RIPOR1: variants seen among roughly 807,000 people sequenced by gnomAD.
The protein encoded by RIPOR1 is RHO family interacting cell polarization regulator 1, also known as rho family-interacting cell polarization regulator 1.
A neutral mutation model predicts 116.5 loss-of-function variants in RIPOR1; 58 were observed. That is an observed-to-expected ratio of 0.50 (90% CI 0.40 to 0.62). RIPOR1 has a LOEUF of 0.62. Ranked by LOEUF, RIPOR1 falls within the 20% of genes least tolerant of loss-of-function variation. The pLI is 0.00. For missense variants in RIPOR1, 1,372 were observed against 1,586.2 expected (o/e 0.86, Z 2.29); for synonymous variants, 605 against 650.0 (o/e 0.93, Z 1.05).
In RIPOR1 at chr16:67,542,207, C is replaced by G. The variant is rs780045728; in HGVS notation, c.1421C>G (p.Ala474Gly). The G allele has an allele frequency of 1.2e-6, 2 of 1,613,710 alleles. No homozygotes were observed. The highest frequency in any genetic ancestry group is 1.1e-5 in the South Asian group (1 of 91,074). ...GAGGCCGTTGGCCCAGAAAGCCTAG[C>G]CTGGGGACCTAGCCCACCTACACAC... ...SVEAVGPESL[A>G]WGPSPPTHPA... The change falls in exon 13 of 22, where the codon GCC becomes GGC. Residue 474 changes from alanine (A) to glycine (G), a missense_variant. By Grantham distance (60) the Ala-to-Gly change is moderately conservative. Coordinates refer to ENST00000042381, the MANE Select transcript of RIPOR1 (RefSeq NM_024519.4). The surrounding 1 kb of genome is among the most constrained non-coding windows in gnomAD (Gnocchi z 4.6).
upstream of RIPOR1, among the ~76,000 whole-genome samples, chr16:67,524,289 T>C (rs1386558562): frequency 6.6e-6 from 1 of 152,118 alleles, no homozygotes; most frequent in African/African-American, 2.4e-5. Context: ...CAAAGGAAAG[T>C]AGAGTCCAGG....
In RIPOR1 at chr16:67,543,200, G is replaced by A. The variant is rs770787888; in HGVS notation, c.2414G>A (p.Arg805His). 1 of 1,560,168 alleles carries A rather than the reference G, an allele frequency of 6.4e-7. No individual in the cohort carries two copies. The highest frequency in any genetic ancestry group is 8.7e-7 in the Non-Finnish European group (1 of 1,151,544). The change falls in exon 13 of 22, where the codon CGT becomes CAT. Residue 805 changes from arginine (R) to histidine (H), a missense_variant. Coordinates refer to ENST00000042381, the MANE Select transcript of RIPOR1 (RefSeq NM_024519.4). The surrounding 1 kb of genome is among the most constrained non-coding windows in gnomAD (Gnocchi z 4.7). ...GALMAALDDY[R>H]GQFPELQGLE... ...CTAATGGCTGCCCTGGATGACTACC[G>A]TGGCCAGTTTCCTGAGCTGCAGGGC...
Position 67,542,635 on chromosome 16 carries a change from C to G in RIPOR1, c.1849C>G (p.His617Asp). 6.2e-7 allele frequency: 1 copy of G among 1,613,504 alleles called. No homozygotes were observed. The highest frequency in any genetic ancestry group is 8.5e-7 in the Non-Finnish European group (1 of 1,179,792). Residue 617 changes from histidine to aspartate, a missense_variant, in exon 13 of 22, where the codon CAT (histidine) becomes GAT (aspartate). His to Asp is a moderately conservative substitution (Grantham distance 81, BLOSUM62 -1). Around this residue, in one of 3 missense-constraint regions of RIPOR1, gnomAD observed 1,005 missense variants for 1,144.7 expected, o/e 0.88. Transcript: ENST00000042381. The surrounding 1 kb of genome is among the most constrained non-coding windows in gnomAD (Gnocchi z 4.6). ...TACCCATACCACAGCAAGCCCCACT[C>G]ATACTTCCACAAGCCCCACCCATAC... ...SPTHTTASPT[H>D]TSTSPTHTPT...
intron 1 of RIPOR1, among the ~76,000 whole-genome samples, chr16:67,519,970 A>T (rs970530682): frequency 6.7e-6 from 1 of 149,984 alleles, no homozygotes. Context: ...GCTGAGGCAG[A>T]AGAATTGCTT....
rs1054477124 is a variant in RIPOR1 at position 67,530,319 on chromosome 16, A to C, written c.-24+1405A>C. 1.3e-5 allele frequency among the ~76,000 whole-genome samples: 2 copies of C among 152,132 alleles called. No homozygotes were observed. Among genetic ancestry groups the C allele is most frequent in the African/African-American group, 4.8e-5 (2 of 41,446 alleles). Reference sequence around the variant, plus strand: ...CTGACCAGGGAGGGGGCCGGCAGGAAGTGAGGCCACCCGACAGCCTCCGCC... The same window carrying C: ...CTGACCAGGGAGGGGGCCGGCAGGACGTGAGGCCACCCGACAGCCTCCGCC... On this transcript the variant is annotated intron_variant, in intron 1 of 21. Transcript: ENST00000042381. This position sits in a 1 kb window ranked among gnomAD's most constrained non-coding sequence, Gnocchi z 4.5.
chr16:67,544,612 T>G lies in RIPOR1; in HGVS notation c.2734-83T>G. On this transcript the variant is annotated intron_variant, in intron 15 of 21. Coordinates refer to ENST00000042381, the MANE Select transcript of RIPOR1 (RefSeq NM_024519.4). The surrounding 1 kb of genome is among the most constrained non-coding windows in gnomAD (Gnocchi z 5.1). Reference sequence around the variant, plus strand: ...ACTCTGCAACCCCAACCTCCCCCAGTGCATGCTGGGACTTGTCCCTGAGCA... The same window carrying G: ...ACTCTGCAACCCCAACCTCCCCCAGGGCATGCTGGGACTTGTCCCTGAGCA... The G allele has an allele frequency of 6.3e-7, 1 of 1,584,490 alleles. No homozygotes were observed. Among genetic ancestry groups the G allele is most frequent in the Non-Finnish European group, 8.6e-7 (1 of 1,165,140 alleles).
Position 67,543,404 on chromosome 16 carries a change from T to C in RIPOR1, c.2535T>C (p.His845=), listed in dbSNP as rs779674627. 3.2e-6 allele frequency: 5 copies of C among 1,586,418 alleles called. No individual in the cohort carries two copies. In the Admixed American group the frequency reaches 9.0e-5, roughly 29 times the overall value. The change falls in exon 14 of 22, where the codon CAT becomes CAC. Residue 845 remains histidine (H), a synonymous_variant. Coordinates refer to ENST00000042381, the MANE Select transcript of RIPOR1 (RefSeq NM_024519.4). This position sits in a 1 kb window ranked among gnomAD's most constrained non-coding sequence, Gnocchi z 4.7. The part of the protein sequence containing the change: ...RASSLSITVE[H]ALESFSFLNE... ...CCAGTCTCAGCATCACTGTGGAGCA[T>C]GCCTTGGAGAGCTTCAGCTTCCTCA...
intron 1 of RIPOR1, among the ~76,000 whole-genome samples, chr16:67,523,115 C>A (rs758955137): frequency 2.0e-4 from 30 of 152,186 alleles, no homozygotes; most frequent in Non-Finnish European, 3.4e-4. Context: ...TCACTGTGTC[C>A]CCAGCATCCA....
In RIPOR1 at chr16:67,540,725, G is replaced by A. The variant is rs1400384989; in HGVS notation, c.801+21G>A. ...TTAAGGTGATGTCTCTGCCCAGGAC[G>A]GCAGGCCACCATGGCCCTGTGAACC... is the stretch of plus-strand genomic sequence containing the variant. On this transcript the variant is annotated intron_variant, in intron 10 of 21. Transcript: ENST00000042381. The surrounding 1 kb of genome is among the most constrained non-coding windows in gnomAD (Gnocchi z 4.7). 34 of 1,561,478 alleles carry A rather than the reference G, an allele frequency of 2.2e-5. No homozygotes were observed. The highest frequency in any genetic ancestry group is 2.6e-5 in the Non-Finnish European group (30 of 1,153,946).
chr16:67,519,790 G>A (rs930651200), intron 1 of RIPOR1, among the ~76,000 whole-genome samples: 7 of 152,046 alleles, frequency 4.6e-5, no homozygotes, highest in South Asian at 2.1e-4. Flanking sequence ...TGGCCAGTGC[G>A]GTGGCTCACG....
Position 67,544,748 on chromosome 16 carries a change from G to T in RIPOR1, c.2787G>T (p.Arg929=). ...GCCAGGAGGCATGGGCCCTGGAGCG[G>T]CTGCTGCGGGAAGCCCGAGTACTGG... ...LRCQEAWALE[R]LLREARVLEA... is the part of the protein sequence containing the mutation. The change falls in exon 16 of 22, where the codon CGG becomes CGT. Residue 929 remains arginine (R), a synonymous_variant. Coordinates refer to ENST00000042381, the MANE Select transcript of RIPOR1 (RefSeq NM_024519.4). This position sits in a 1 kb window ranked among gnomAD's most constrained non-coding sequence, Gnocchi z 5.1. The T allele has an allele frequency of 6.2e-7, 1 of 1,612,512 alleles. No individual in the cohort carries two copies. Among genetic ancestry groups the T allele is most frequent in the Non-Finnish European group, 8.5e-7 (1 of 1,179,262 alleles).
At chr16:67,535,654 A>T (rs1179936064) in intron 1 of RIPOR1, among the ~76,000 whole-genome samples, 1 of 152,184 alleles carries the variant, frequency 6.6e-6, no homozygotes, top group East Asian at 1.9e-4. Context: ...ATAGGTGAAT[A>T]AATGGGTGAG....
chr16:67,532,629 T>G (rs1048356688), intron 1 of RIPOR1, among the ~76,000 whole-genome samples: 1 of 152,202 alleles, frequency 6.6e-6, no homozygotes, highest in East Asian at 1.9e-4. Flanking sequence ...TTATTATTAT[T>G]GTCCTCTTTT....
Position 67,540,431 on chromosome 16 carries a change from G to A in RIPOR1, c.632-27G>A, listed in dbSNP as rs748673074. The A allele has an allele frequency of 1.1e-5, 17 of 1,614,060 alleles. No individual in the cohort carries two copies. The highest frequency in any genetic ancestry group is 2.7e-5 in the African/African-American group (2 of 74,912). The stretch of plus-strand genomic sequence containing the variant: ...CTGAAGAACCCCAATATGGCTCACC[G>A]ACTTCTCCCCTTCTCCTCCAACTCA... On this transcript the variant is annotated intron_variant, in intron 8 of 21. Transcript: ENST00000042381. This position sits in a 1 kb window ranked among gnomAD's most constrained non-coding sequence, Gnocchi z 4.7.
chr16:67,542,602 C>T lies in RIPOR1; in HGVS notation c.1816C>T (p.Pro606Ser), dbSNP rs1169852945. Residue 606 changes from proline (P) to serine (S), a missense_variant, in exon 13 of 22, where the codon CCA becomes TCA. Pro to Ser is a moderately conservative substitution (Grantham distance 74). This residue lies in a region of RIPOR1 where 1,005 missense variants were observed against 1,144.7 expected (regional missense o/e 0.88). Coordinates refer to ENST00000042381, the MANE Select transcript of RIPOR1 (RefSeq NM_024519.4). This position sits in a 1 kb window ranked among gnomAD's most constrained non-coding sequence, Gnocchi z 4.6. ...TACCACAAGCCCCACCCACACTATGCCAAGCCCTACCCATACCACAGCAAG... is the reference window on the plus strand; with the variant it reads ...TACCACAAGCCCCACCCACACTATGTCAAGCCCTACCCATACCACAGCAAG... ...QTTTSPTHTMPSPTHTTASPT... is the reference protein window; with the variant it reads ...QTTTSPTHTMSSPTHTTASPT... 1.9e-6 allele frequency: 3 copies of T among 1,612,770 alleles called. No homozygotes were observed. Among genetic ancestry groups the T allele is most frequent in the South Asian group, 1.1e-5 (1 of 91,004 alleles).
chr16:67,534,414 G>A (rs75707638), intron 1 of RIPOR1, among the ~76,000 whole-genome samples: 4,936 of 152,146 alleles, frequency 0.032, 104 homozygotes, highest in Non-Finnish European at 0.051. Context: ...CCACCGCACC[G>A]GCCCAACATT....
In RIPOR1 at chr16:67,529,744, C is replaced by A; in HGVS notation, c.-24+830C>A. On this transcript the variant is annotated intron_variant, in intron 1 of 21. Transcript: ENST00000042381. This position sits in a 1 kb window ranked among gnomAD's most constrained non-coding sequence, Gnocchi z 4.1. ...CTGTGCGCAGCCTCGTGTAACAATA[C>A]TTGTGCCCTGGCTGCAGTCTGCGGG... is the stretch of plus-strand genomic sequence containing the variant. 6.5e-7 allele frequency: 1 copy of A among 1,533,600 alleles called. No homozygotes were observed. Among genetic ancestry groups the A allele is most frequent in the Non-Finnish European group, 8.7e-7 (1 of 1,146,250 alleles). The allele number at this position is 1,533,600 out of a possible 1,614,324, so 95.0% of individuals were successfully genotyped here. A position where few individuals can be genotyped will look rare whatever the true frequency, so the allele number is the denominator to read the frequency against.
chr16:67,529,883 A>C lies in RIPOR1; in HGVS notation c.-24+969A>C, dbSNP rs1355706221. 1 of 1,459,112 alleles carries C rather than the reference A, an allele frequency of 6.9e-7. No individual in the cohort carries two copies. The highest frequency in any genetic ancestry group is 9.3e-7 in the Non-Finnish European group (1 of 1,076,728). 90.4% of individuals were successfully genotyped at this position (1,459,112 alleles called of 1,614,324 possible). Reference sequence around the variant, plus strand: ...AGGTTAGTAGTATTCTCAAGGTCACACAGCTGGTTTGGGAGAAGCGAGGAT... The same window carrying C: ...AGGTTAGTAGTATTCTCAAGGTCACCCAGCTGGTTTGGGAGAAGCGAGGAT... On this transcript the variant is annotated intron_variant, in intron 1 of 21. Coordinates refer to ENST00000042381, the MANE Select transcript of RIPOR1 (RefSeq NM_024519.4). The surrounding 1 kb of genome is among the most constrained non-coding windows in gnomAD (Gnocchi z 4.1).
chr16:67,530,181 G>C lies in RIPOR1; in HGVS notation c.-24+1267G>C, dbSNP rs1056356482. 3 of 349,078 alleles carry C rather than the reference G, an allele frequency of 8.6e-6. No homozygotes were observed. The highest frequency in any genetic ancestry group is 1.6e-5 in the Non-Finnish European group (3 of 189,610). The allele number at this position is 349,078 out of a possible 1,614,324, so 21.6% of individuals were successfully genotyped here. A position where few individuals can be genotyped will look rare whatever the true frequency, so the allele number is the denominator to read the frequency against. ...CGCTTGAGAGAAGCGGGCGGGGAGGGCGCGGGTGAGTCACGGCGGCCCCTC... is the reference window on the plus strand; with the variant it reads ...CGCTTGAGAGAAGCGGGCGGGGAGGCCGCGGGTGAGTCACGGCGGCCCCTC... On this transcript the variant is annotated intron_variant, in intron 1 of 21. Coordinates refer to ENST00000042381, the MANE Select transcript of RIPOR1 (RefSeq NM_024519.4). This position sits in a 1 kb window ranked among gnomAD's most constrained non-coding sequence, Gnocchi z 4.5.
Sources: allele counts gnomAD v4.1 joint callset (sites outside exome capture counted in the v4.1 genomes callset), GRCh38; gene constraint gnomAD v4.1.1; regional missense constraint gnomAD v4.1.1; non-coding constraint Gnocchi (gnomAD v3.1); transcripts MANE v1.5; gene names NCBI Gene and HGNC (gene_info 2026-07-23, HGNC 2026-07-21).